SMARCC1: variants seen among roughly 807,000 people sequenced by gnomAD.
SMARCC1 encodes SWI/SNF related BAF chromatin remodeling complex subunit C1.
Under a neutral mutation model 147.4 loss-of-function variants are expected in SMARCC1, and 43 were observed. The observed-to-expected ratio is 0.29, with a 90% CI of 0.23 to 0.38. SMARCC1 has a LOEUF of 0.38. Ranked by LOEUF, SMARCC1 falls within the 10% of genes least tolerant of loss-of-function variation. The pLI is 1.00. For synonymous variants in SMARCC1, 495 were observed against 484.4 expected (o/e 1.02, Z -0.29); for missense variants, 1,119 against 1,381.1 (o/e 0.81, Z 3.01).
At chr3:47,716,117 A>C (rs1390996090) in intron 7 of SMARCC1, among the ~76,000 whole-genome samples, 20 of 151,730 alleles carry the variant, frequency 1.3e-4, no homozygotes, top group Admixed American at 1.1e-3. Flanking sequence ...AGGTCAGTTC[A>C]AAAGAATATG....
At chr3:47,674,960 CTG>C (rs1479960032) in intron 18 of SMARCC1, among the ~76,000 whole-genome samples, 1 of 152,112 alleles carries the variant, frequency 6.6e-6, no homozygotes, top group East Asian at 1.9e-4. Context: ...GTCTCAAACT[CTG>C]GGGCTCCAGT....
intron 5 of SMARCC1, among the ~76,000 whole-genome samples, chr3:47,730,447 C>T (rs908330363): frequency 2.0e-5 from 3 of 152,100 alleles, no homozygotes; most frequent in African/African-American, 4.8e-5. Context: ...TGCCAGTGTA[C>T]GTTAGCCTGG....
chr3:47,702,736 C>A (rs543012013), intron 10 of SMARCC1, among the ~76,000 whole-genome samples: 1 of 152,272 alleles, frequency 6.6e-6, no homozygotes, highest in East Asian at 1.9e-4. Context: ...GTAGCTGAGA[C>A]TATAGGTGCA....
intron 1 of SMARCC1, among the ~76,000 whole-genome samples, chr3:47,775,642 C>T (rs2034965395): frequency 6.6e-6 from 1 of 150,994 alleles, no homozygotes; most frequent in South Asian, 2.1e-4. Flanking sequence ...CATGGTGGCA[C>T]TTGCCTGTAG....
intron 26 of SMARCC1, among the ~76,000 whole-genome samples, chr3:47,599,714 G>A (rs2032355009): frequency 6.6e-6 from 1 of 152,152 alleles, no homozygotes; most frequent in South Asian, 2.1e-4. Context: ...GCAAACCCTG[G>A]TGTCACCAAA....
In SMARCC1 at chr3:47,777,530, T is replaced by C. The variant is rs114371523; in HGVS notation, c.195+4073A>G. On this transcript the variant is annotated intron_variant, in intron 1 of 27. Coordinates refer to ENST00000254480, the MANE Select transcript of SMARCC1 (RefSeq NM_003074.4). ...GCAACACAGTAAGACCCTGTCTCTA[T>C]TTATGTATTTATTTTTTGAGACACT... is the stretch of plus-strand genomic sequence containing the variant. 3.5e-3 allele frequency among the ~76,000 whole-genome samples: 535 copies of C among 151,948 alleles called. 4 individuals carry two copies. The highest frequency in any genetic ancestry group is 0.012 in the African/African-American group (501 of 41,506).
chr3:47,663,629 C>T, intron 19 of SMARCC1: 2 of 1,507,054 alleles, frequency 1.3e-6, no homozygotes, highest in African/African-American at 1.4e-5. Context: ...CGACTCCGGC[C>T]CTGTGATTCC....
chr3:47,635,167 GA>G, intron 24 of SMARCC1, 22 bp downstream of exon 24: 1 of 1,609,878 alleles, frequency 6.2e-7, no homozygotes, highest in Non-Finnish European at 8.5e-7. Flanking sequence ...GAGAGCACTG[GA>G]AAAGGGCTGT....
chr3:47,674,904 CTTCTT>C (rs2033550730), intron 18 of SMARCC1, among the ~76,000 whole-genome samples: 1 of 151,598 alleles, frequency 6.6e-6, no homozygotes, highest in African/African-American at 2.4e-5. Context: ...TTTTCTTTTT[CTTCTT>C]TTAATAATAG....
chr3:47,693,143 T>A (rs1369829546), intron 12 of SMARCC1, 98 bp downstream of exon 12: 1 of 792,236 alleles, frequency 1.3e-6, no homozygotes, highest in Non-Finnish European at 2.2e-6. Context: ...CACTCCAGCC[T>A]GACCAACAGA....
intron 13 of SMARCC1, 47 bp downstream of exon 13, chr3:47,689,340 G>A: frequency 6.8e-7 from 1 of 1,479,644 alleles, no homozygotes; most frequent in Non-Finnish European, 9.5e-7. Flanking sequence ...TCGGTACACA[G>A]GACCCTTAGA....
At chr3:47,590,420 A>G (rs895475144) in intron 27 of SMARCC1, among the ~76,000 whole-genome samples, 2 of 152,196 alleles carry the variant, frequency 1.3e-5, no homozygotes, top group Admixed American at 6.5e-5. Flanking sequence ...TATGGCCCCA[A>G]TGCTGACAGT....
chr3:47,665,509 GAAC>G (rs1004584179), intron 19 of SMARCC1, among the ~76,000 whole-genome samples: 3 of 151,934 alleles, frequency 2.0e-5, no homozygotes, highest in Non-Finnish European at 4.4e-5. Context: ...TTTCGCCAGG[GAAC>G]AATAAGAAAG....
chr3:47,724,055 C>T (rs964790374), intron 6 of SMARCC1, among the ~76,000 whole-genome samples: 2 of 152,136 alleles, frequency 1.3e-5, no homozygotes, highest in Non-Finnish European at 2.9e-5. Flanking sequence ...CATTGCGCAC[C>T]GTTGGTGAGT....
At chr3:47,604,377 T>G in intron 26 of SMARCC1, 1 of 436,582 alleles carries the variant, frequency 2.3e-6, no homozygotes, top group Non-Finnish European at 4.6e-6. Context: ...TCCCATCATA[T>G]ATCATAAAGT....
intron 25 of SMARCC1, among the ~76,000 whole-genome samples, chr3:47,617,371 T>A (rs964852346): frequency 6.6e-6 from 1 of 152,248 alleles, no homozygotes; most frequent in South Asian, 2.1e-4. Context: ...CTCACATAGT[T>A]TGCCAGGAAA....
intron 24 of SMARCC1, among the ~76,000 whole-genome samples, chr3:47,626,772 C>G (rs1221495780): frequency 6.6e-6 from 1 of 152,160 alleles, no homozygotes; most frequent in Admixed American, 6.5e-5. Context: ...GCCTTACAAT[C>G]CTGCAAACTT....
intron 10 of SMARCC1, among the ~76,000 whole-genome samples, chr3:47,703,929 T>A (rs2033958435): frequency 6.6e-6 from 1 of 152,152 alleles, no homozygotes; most frequent in African/African-American, 2.4e-5. Flanking sequence ...CTTGAGTAGC[T>A]GGGACTACAG....
chr3:47,771,121 G>C (rs762084107), intron 2 of SMARCC1, among the ~76,000 whole-genome samples: 12 of 152,076 alleles, frequency 7.9e-5, no homozygotes, highest in Non-Finnish European at 1.8e-4. Context: ...TTGTTAGACA[G>C]GATGTTCTCA....
Sources: allele counts gnomAD v4.1 joint callset (sites outside exome capture counted in the v4.1 genomes callset), GRCh38; gene constraint gnomAD v4.1.1; transcripts MANE v1.5; gene names NCBI Gene and HGNC (gene_info 2026-07-23, HGNC 2026-07-21).